The following ARMC2 variants were observed in gnomAD, a reference collection of about 807,000 sequenced individuals.
The protein encoded by ARMC2 is armadillo repeat containing 2.
ARMC2 carries 67 observed loss-of-function variants against 90.3 expected under a neutral mutation model. The observed-to-expected ratio is 0.74, with a 90% CI of 0.61 to 0.91. ARMC2 has a LOEUF of 0.91. Among genes scored for constraint, ARMC2 ranks in the 40% least tolerant of loss-of-function variants. The probability of loss-of-function intolerance (pLI) is 0.00; values close to 1 mark genes in which losing one functional copy is unlikely to be tolerated. For synonymous variants in ARMC2, 393 were observed against 393.0 expected (o/e 1.00, Z 0.00); for missense variants, 920 against 1,030.9 (o/e 0.89, Z 1.47).
the ARMC2 span, among the ~76,000 whole-genome samples, chr6:109,007,786 T>C: frequency 1.3e-5 from 1 of 76,244 alleles, no homozygotes; most frequent in African/African-American, 8.7e-5. Flanking sequence ...GTCCAGGTAC[T>C]TTTTTTTTTT....
intron 5 of ARMC2, among the ~76,000 whole-genome samples, chr6:108,891,297 T>G (rs191422309): frequency 1.1e-3 from 163 of 152,360 alleles, no homozygotes; most frequent in African/African-American, 3.8e-3. Flanking sequence ...AAATGGTATT[T>G]CTGGTTCTAG....
the ARMC2 span, chr6:108,987,541 G>C: frequency 6.5e-7 from 1 of 1,531,940 alleles, no homozygotes; most frequent in Non-Finnish European, 9.0e-7. Flanking sequence ...TGAAGGAAAG[G>C]CATCAGGTCA....
intron 11 of ARMC2, among the ~76,000 whole-genome samples, 188 bp from the exon 12 acceptor site, chr6:108,936,712 A>G (rs1002954459): frequency 7.9e-5 from 12 of 152,230 alleles, no homozygotes. Context: ...TTCCGGATCC[A>G]TCTCACTAGA....
intron 5 of ARMC2, among the ~76,000 whole-genome samples, chr6:108,892,759 C>CA (rs55747245): frequency 0.015 from 1,311 of 89,562 alleles, 12 homozygotes; most frequent in African/African-American, 0.023. Context: ...AACTCCATCT[C>CA]AAAAAAAAAA....
the ARMC2 span, among the ~76,000 whole-genome samples, chr6:109,030,499 T>C: frequency 6.6e-6 from 1 of 152,210 alleles, no homozygotes; most frequent in Non-Finnish European, 1.5e-5. Context: ...TCTCAAAATA[T>C]TCTATTCTTA....
chr6:108,966,267 A>G (rs1211990008), intron 17 of ARMC2, among the ~76,000 whole-genome samples: 4 of 151,698 alleles, frequency 2.6e-5, no homozygotes, highest in Non-Finnish European at 4.4e-5. Flanking sequence ...GAGGCTCCCA[A>G]TCCTGGCTGC....
At chr6:108,871,924 C>T (rs1776457500) in intron 4 of ARMC2, among the ~76,000 whole-genome samples, 1 of 152,188 alleles carries the variant, frequency 6.6e-6, no homozygotes, top group South Asian at 2.1e-4. Context: ...GGCCAGCATT[C>T]AGGAAATACT....
chr6:108,851,239 C>T (rs1422592323), intron 1 of ARMC2, among the ~76,000 whole-genome samples: 1 of 152,180 alleles, frequency 6.6e-6, no homozygotes, highest in African/African-American at 2.4e-5. Flanking sequence ...CTTCTCTACT[C>T]CAGCTCCAGT....
At chr6:109,035,835 T>C in the ARMC2 span, among the ~76,000 whole-genome samples, 2 of 152,154 alleles carry the variant, frequency 1.3e-5, no homozygotes, top group Non-Finnish European at 2.9e-5. Flanking sequence ...CTCAAACTCC[T>C]GGCCTCAAGT....
downstream of ARMC2, among the ~76,000 whole-genome samples, chr6:108,975,881 T>G (rs917092901): frequency 2.9e-4 from 44 of 152,178 alleles, no homozygotes; most frequent in African/African-American, 9.9e-4. Flanking sequence ...GTTTAAGTTC[T>G]TTGTTGATTC....
Position 108,918,350 on chromosome 6 carries a change from C to T in ARMC2, c.1350+5792C>T, listed in dbSNP as rs553870998. Among the ~76,000 whole-genome samples, 27 of 152,172 alleles carry T rather than the reference C, an allele frequency of 1.8e-4. 2 individuals carry two copies. Among genetic ancestry groups the T allele is most frequent in the African/African-American group, 6.0e-4 (25 of 41,528 alleles). ...GGGATCCCACCACTTTGTTTGGAGC[C>T]GTGCGAATAGGCGAGCGAGGGGTGT... On this transcript the variant is annotated intron_variant, in intron 10 of 17. Transcript: ENST00000392644.
the ARMC2 span, chr6:108,998,342 T>C: frequency 3.0e-6 from 2 of 657,088 alleles, no homozygotes; most frequent in Non-Finnish European, 5.1e-6. Context: ...CCTAGACTAG[T>C]GATGAGCATG....
intron 1 of ARMC2, among the ~76,000 whole-genome samples, chr6:108,853,910 T>G (rs1042483795): frequency 1.3e-5 from 2 of 152,134 alleles, no homozygotes; most frequent in Non-Finnish European, 2.9e-5. Flanking sequence ...CCCTCAGTGT[T>G]TTTTGTAGGC....
chr6:108,905,197 TACAGTAC>T lies in ARMC2; in HGVS notation c.1023+798_1023+804del, dbSNP rs1231687943. 2.0e-5 allele frequency among the ~76,000 whole-genome samples: 3 copies of T among 152,226 alleles called. No homozygotes were observed. In the South Asian group the frequency reaches 6.2e-4, roughly 32 times the overall value. On this transcript the variant is annotated intron_variant, in intron 8 of 17. Coordinates refer to ENST00000392644, the MANE Select transcript of ARMC2 (RefSeq NM_032131.6). ...CCATAATTTACAGAATTTAAAATCT[TACAGTAC>T]ACAGTGAAGGTAAGTGTTGGCGTAC...
chr6:109,052,727 G>A, the ARMC2 span, among the ~76,000 whole-genome samples: 1 of 152,120 alleles, frequency 6.6e-6, no homozygotes, highest in African/African-American at 2.4e-5. Flanking sequence ...TGATTTATAG[G>A]CTTAAAGGCA....
At chr6:108,999,733 G>A in the ARMC2 span, among the ~76,000 whole-genome samples, 2 of 152,062 alleles carry the variant, frequency 1.3e-5, no homozygotes, top group South Asian at 2.1e-4. Context: ...AAAGGTAAAC[G>A]TAGGCTTACC....
At chr6:108,996,999 A>G in the ARMC2 span, among the ~76,000 whole-genome samples, 1 of 148,764 alleles carries the variant, frequency 6.7e-6, no homozygotes, top group African/African-American at 2.4e-5. Flanking sequence ...AACTATGGAG[A>G]GAGTAAAGAA....
intron 3 of ARMC2, among the ~76,000 whole-genome samples, chr6:108,861,220 G>A (rs1011626805): frequency 2.0e-5 from 3 of 152,180 alleles, no homozygotes; most frequent in African/African-American, 7.2e-5. Context: ...TTATGAGATT[G>A]GTATGTTAGT....
the ARMC2 span, among the ~76,000 whole-genome samples, chr6:108,985,263 A>C: frequency 1.3e-5 from 2 of 151,498 alleles, no homozygotes; most frequent in Non-Finnish European, 3.0e-5. Context: ...CCTAATAAAA[A>C]ATTTTCCCAA....
Sources: allele counts gnomAD v4.1 joint callset (sites outside exome capture counted in the v4.1 genomes callset), GRCh38; gene constraint gnomAD v4.1.1; transcripts MANE v1.5; gene names NCBI Gene and HGNC (gene_info 2026-07-23, HGNC 2026-07-21).